Variants in BCAR3 observed in about 807,000 individuals in gnomAD.
The protein encoded by BCAR3 is breast cancer anti-estrogen resistance protein 3.
BCAR3 carries 37 observed loss-of-function variants against 80.1 expected under a neutral mutation model. The ratio of observed to expected loss-of-function variants is 0.46; its 90% CI spans 0.36 to 0.61. The LOEUF is 0.61. BCAR3 is among the 20% of genes least tolerant of loss of function. The probability of loss-of-function intolerance (pLI) is 0.00; values close to 1 mark genes in which losing one functional copy is unlikely to be tolerated. For missense variants in BCAR3, 978 were observed against 1,068.2 expected (o/e 0.92, Z 1.18); for synonymous variants, 389 against 418.9 (o/e 0.93, Z 0.87).
chr1:93,676,784 G>C (rs1238469111), intron 1 of BCAR3, among the ~76,000 whole-genome samples: 2 of 152,214 alleles, frequency 1.3e-5, no homozygotes, highest in African/African-American at 4.8e-5. Context: ...GAACCTCGTG[G>C]GGAGGCCTGC....
chr1:93,749,497 G>A (rs1467513176), intron 2 of BCAR3, among the ~76,000 whole-genome samples: 2 of 151,406 alleles, frequency 1.3e-5, no homozygotes, highest in East Asian at 1.9e-4. Flanking sequence ...GCTGAGGCAG[G>A]AGAATGGCAT....
chr1:93,650,246 G>A (rs1043579746), intron 2 of BCAR3, among the ~76,000 whole-genome samples: 6 of 152,136 alleles, frequency 3.9e-5, no homozygotes, highest in African/African-American at 1.2e-4. Flanking sequence ...TTAGCTGGGC[G>A]TGGTGGCAAG....
intron 2 of BCAR3, among the ~76,000 whole-genome samples, chr1:93,733,118 C>G (rs1326331884): frequency 6.6e-6 from 1 of 152,106 alleles, no homozygotes; most frequent in Non-Finnish European, 1.5e-5. Flanking sequence ...GACTCTGGGT[C>G]TCGGCTGCTT....
intron 9 of BCAR3, among the ~76,000 whole-genome samples, chr1:93,571,216 A>AAT (rs1347151629): frequency 6.6e-6 from 1 of 151,034 alleles, no homozygotes; most frequent in African/African-American, 2.4e-5. Flanking sequence ...AAAAAAAAAA[A>AAT]ATAGACCCCA....
At chr1:93,799,770 A>G (rs1006395165) in intron 2 of BCAR3, among the ~76,000 whole-genome samples, 12 of 152,222 alleles carry the variant, frequency 7.9e-5, no homozygotes, top group African/African-American at 2.9e-4. Context: ...ATATTTTGAA[A>G]AATAGTTGGG....
At chr1:93,711,132 G>A (rs531980884) in intron 2 of BCAR3, among the ~76,000 whole-genome samples, 3 of 152,324 alleles carry the variant, frequency 2.0e-5, no homozygotes, top group Admixed American at 2.0e-4. Context: ...AGGCTTTTGT[G>A]AACTAATATC....
intron 2 of BCAR3, among the ~76,000 whole-genome samples, chr1:93,799,666 A>G (rs910852941): frequency 6.6e-6 from 1 of 152,218 alleles, no homozygotes; most frequent in African/African-American, 2.4e-5. Flanking sequence ...GTTTTTTACA[A>G]TCATGAAGAA....
intron 2 of BCAR3, among the ~76,000 whole-genome samples, chr1:93,709,566 A>T (rs1019612169): frequency 4.1e-4 from 62 of 152,166 alleles, no homozygotes; most frequent in Admixed American, 3.3e-3. Flanking sequence ...CTGTATAAGG[A>T]TGTCTTACTG....
At chr1:93,708,440 C>T (rs1034805147) in intron 2 of BCAR3, among the ~76,000 whole-genome samples, 1 of 152,220 alleles carries the variant, frequency 6.6e-6, no homozygotes, top group Non-Finnish European at 1.5e-5. Flanking sequence ...CCCTCATCAT[C>T]TCACATAGCT....
intron 2 of BCAR3, among the ~76,000 whole-genome samples, chr1:93,761,687 G>A (rs1159045198): frequency 6.6e-6 from 1 of 152,198 alleles, no homozygotes; most frequent in Non-Finnish European, 1.5e-5. Flanking sequence ...AGCCAAGCCA[G>A]CATGAATGTG....
chr1:93,817,536 C>T (rs1318670403), intron 2 of BCAR3, among the ~76,000 whole-genome samples: 1 of 152,146 alleles, frequency 6.6e-6, no homozygotes, highest in African/African-American at 2.4e-5. Flanking sequence ...ACCTTTCATA[C>T]AGTTCAGAAG....
chr1:93,697,015 T>C (rs912289457), intron 3 of BCAR3, among the ~76,000 whole-genome samples: 4 of 152,062 alleles, frequency 2.6e-5, no homozygotes, highest in Admixed American at 2.6e-4. Flanking sequence ...CACCCACAAA[T>C]GTGTCTGAAG....
chr1:93,571,596 GTCTGA>G, intron 9 of BCAR3, 69 bp downstream of exon 9: 4 of 1,558,934 alleles, frequency 2.6e-6, no homozygotes, highest in Non-Finnish European at 3.5e-6. Context: ...GACTAAAATA[GTCTGA>G]TTTGCCAAAC....
At chr1:93,847,674 C>CCCCCCTACAATTTATTTTCTGCCT (rs1655275336), upstream of BCAR3, 2 of 152,402 alleles carry the variant, frequency 1.3e-5, no homozygotes, top group African/African-American at 4.8e-5. Flanking sequence ...TTTTTTCCCT[C>CCCCCCTACAATTTATTTTCTGCCT]CCCCCTACAA....
At chr1:93,796,689 A>G (rs1172707084) in intron 2 of BCAR3, among the ~76,000 whole-genome samples, 1 of 152,116 alleles carries the variant, frequency 6.6e-6, no homozygotes. Flanking sequence ...CCCAACACTT[A>G]TAGTCTTATT....
intron 2 of BCAR3, among the ~76,000 whole-genome samples, chr1:93,772,087 T>A (rs559534676): frequency 8.5e-5 from 13 of 152,196 alleles, no homozygotes; most frequent in Non-Finnish European, 1.9e-4. Context: ...TCTAGCCTCA[T>A]CAGAGGTGAG....
chr1:93,800,403 G>A (rs1288005382), intron 2 of BCAR3, among the ~76,000 whole-genome samples: 1 of 152,022 alleles, frequency 6.6e-6, no homozygotes, highest in Non-Finnish European at 1.5e-5. Flanking sequence ...GTGAAACCCT[G>A]TCTCTATTAA....
chr1:93,699,613 A>C (rs940498342), intron 3 of BCAR3, among the ~76,000 whole-genome samples: 1 of 152,156 alleles, frequency 6.6e-6, no homozygotes, highest in Non-Finnish European at 1.5e-5. Context: ...CCAGCAAGGA[A>C]GAATCTTCTT....
intron 3 of BCAR3, among the ~76,000 whole-genome samples, chr1:93,613,318 C>T (rs1176755871): frequency 6.6e-6 from 1 of 152,182 alleles, no homozygotes; most frequent in Non-Finnish European, 1.5e-5. Context: ...AAGCTCTTGG[C>T]ACCGGTGTCT....
Sources: allele counts gnomAD v4.1 joint callset (sites outside exome capture counted in the v4.1 genomes callset), GRCh38; gene constraint gnomAD v4.1.1; transcripts MANE v1.5; gene names NCBI Gene and HGNC (gene_info 2026-07-23, HGNC 2026-07-21).